IMMP2L: variants seen among roughly 807,000 people sequenced by gnomAD.
IMMP2L encodes mitochondrial inner membrane protease subunit 2.
A neutral mutation model predicts 19.3 loss-of-function variants in IMMP2L; 18 were observed. That is an observed-to-expected ratio of 0.93 (90% CI 0.64 to 1.38). The LOEUF (loss-of-function observed/expected upper bound fraction) is 1.38. Ranked by LOEUF, IMMP2L falls within the 40% of genes most tolerant of loss-of-function variation. IMMP2L has a pLI of 0.00. For missense variants in IMMP2L, 233 were observed against 218.2 expected (o/e 1.07, Z -0.43); for synonymous variants, 76 against 73.0 (o/e 1.04, Z -0.21).
chr7:110,750,623 G>T (rs961852969), intron 5 of IMMP2L, among the ~76,000 whole-genome samples: 1 of 151,934 alleles, frequency 6.6e-6, no homozygotes, highest in Non-Finnish European at 1.5e-5. Flanking sequence ...AGATAAATAA[G>T]AAAAACTTAC....
At chr7:110,912,509 A>AAC (rs941264702) in intron 4 of IMMP2L, among the ~76,000 whole-genome samples, 1 of 152,048 alleles carries the variant, frequency 6.6e-6, no homozygotes, top group African/African-American at 2.4e-5. Flanking sequence ...AAAAAACACA[A>AAC]ACACACACAC....
rs67367468 is a variant in IMMP2L at position 110,902,479 on chromosome 7, A to AATATATATATATATATATATATATAT, written c.306-15785_306-15784insATATATATATATATATATATATATAT. Among the ~76,000 whole-genome samples the AATATATATATATATATATATATATAT allele has an allele frequency of 2.4e-3, 337 of 140,354 alleles. 3 individuals are homozygous for AATATATATATATATATATATATATAT. Among genetic ancestry groups the AATATATATATATATATATATATATAT allele is most frequent in the African/African-American group, 8.7e-3 (319 of 36,850 alleles). 92.1% of individuals were successfully genotyped at this position (140,354 alleles called of 152,430 possible). A position where few individuals can be genotyped will look rare whatever the true frequency, so the allele number is the denominator to read the frequency against. ...AATATAAATATGTCATGAATGATAA[A>AATATATATATATATATATATATATAT]ATATATATATATATATATATATAGT... is the stretch of plus-strand genomic sequence containing the variant. On this transcript the variant is annotated intron_variant, in intron 4 of 5. Coordinates refer to ENST00000405709, the MANE Select transcript of IMMP2L (RefSeq NM_032549.4).
At chr7:110,838,117 G>A (rs1453837718) in intron 5 of IMMP2L, among the ~76,000 whole-genome samples, 1 of 152,080 alleles carries the variant, frequency 6.6e-6, no homozygotes, top group Admixed American at 6.6e-5. Flanking sequence ...TAATAGACTA[G>A]TTTTTAGCTT....
chr7:111,413,145 T>C (rs1046302331), intron 3 of IMMP2L, among the ~76,000 whole-genome samples: 3 of 152,066 alleles, frequency 2.0e-5, no homozygotes, highest in Non-Finnish European at 2.9e-5. Flanking sequence ...AATGAACCAA[T>C]TGATTAAAAG....
intron 3 of IMMP2L, among the ~76,000 whole-genome samples, chr7:111,014,534 G>A (rs1825306002): frequency 6.6e-6 from 1 of 151,976 alleles, no homozygotes; most frequent in Non-Finnish European, 1.5e-5. Flanking sequence ...TGATTTCTTG[G>A]ATATGAAATG....
intron 3 of IMMP2L, among the ~76,000 whole-genome samples, chr7:111,017,901 T>C (rs1488264008): frequency 6.6e-6 from 1 of 152,214 alleles, no homozygotes; most frequent in Non-Finnish European, 1.5e-5. Flanking sequence ...AAATAAATCA[T>C]TTTGAATTAT....
Position 111,299,214 on chromosome 7 carries a change from G to T in IMMP2L, c.239+188024C>A, listed in dbSNP as rs115431765. On this transcript the variant is annotated intron_variant, in intron 3 of 5. Transcript: ENST00000405709. The stretch of plus-strand genomic sequence containing the variant: ...AAATGCCAAATACATTTGAGAAAGA[G>T]TTTCCATCATGTTCATAAGTAGGAT... Among the ~76,000 whole-genome samples, 1,369 of 152,206 alleles carry T rather than the reference G, an allele frequency of 9.0e-3. 27 individuals carry two copies. The highest frequency in any genetic ancestry group is 0.032 in the African/African-American group (1,311 of 41,536).
chr7:110,918,321 T>C (rs1010463115), intron 4 of IMMP2L, among the ~76,000 whole-genome samples: 2 of 152,154 alleles, frequency 1.3e-5, no homozygotes, highest in South Asian at 4.1e-4. Flanking sequence ...GAGAAGGAAG[T>C]AATTATGACC....
chr7:111,389,870 T>C (rs904327431), intron 3 of IMMP2L, among the ~76,000 whole-genome samples: 1 of 152,138 alleles, frequency 6.6e-6, no homozygotes, highest in Admixed American at 6.6e-5. Flanking sequence ...CCTATATAAT[T>C]CTAAGGGCAC....
chr7:111,305,077 GT>G (rs978947995), intron 3 of IMMP2L, among the ~76,000 whole-genome samples: 2 of 151,882 alleles, frequency 1.3e-5, no homozygotes, highest in Admixed American at 1.3e-4. Context: ...ACTTTGTCTT[GT>G]TTTTTTGATG....
chr7:111,534,183 A>C (rs1422642689), intron 1 of IMMP2L, among the ~76,000 whole-genome samples: 1 of 152,156 alleles, frequency 6.6e-6, no homozygotes, highest in Non-Finnish European at 1.5e-5. Context: ...CACTCCAGGA[A>C]TTTATTTTAT....
chr7:110,821,693 A>G (rs936393861), intron 5 of IMMP2L, among the ~76,000 whole-genome samples: 5 of 152,028 alleles, frequency 3.3e-5, no homozygotes, highest in Admixed American at 3.3e-4. Context: ...TAGGCAGATC[A>G]TGAGGTCAGG....
At chr7:110,919,649 G>A (rs756645780) in intron 4 of IMMP2L, among the ~76,000 whole-genome samples, 23 of 151,694 alleles carry the variant, frequency 1.5e-4, no homozygotes, top group Middle Eastern at 3.4e-3. Flanking sequence ...TGAAATGTGC[G>A]CATTTTCTTC....
chr7:111,159,954 A>G lies in IMMP2L; in HGVS notation c.240-196389T>C, dbSNP rs188576974. Among the ~76,000 whole-genome samples, 13 of 152,216 alleles carry G rather than the reference A, an allele frequency of 8.5e-5. 1 individual carries two copies. The highest frequency in any genetic ancestry group is 3.9e-4 in the Admixed American group (6 of 15,256). On this transcript the variant is annotated intron_variant, in intron 3 of 5. Coordinates refer to ENST00000405709, the MANE Select transcript of IMMP2L (RefSeq NM_032549.4). ...CTCAATTCAGACTAGCTGCATTTCA[A>G]GTGCTCCAAAGCTAATGGTATCAAC... is the stretch of plus-strand genomic sequence containing the variant.
intron 3 of IMMP2L, among the ~76,000 whole-genome samples, chr7:111,090,139 T>C (rs1796706119): frequency 6.6e-6 from 1 of 152,162 alleles, no homozygotes; most frequent in East Asian, 1.9e-4. Flanking sequence ...TTGTAAAACA[T>C]GCATTTTTAA....
At chr7:111,277,090 C>T (rs940690503) in intron 3 of IMMP2L, among the ~76,000 whole-genome samples, 5 of 151,880 alleles carry the variant, frequency 3.3e-5, no homozygotes, top group East Asian at 1.9e-4. Flanking sequence ...AAAGCAAAAG[C>T]GACAAAACTA....
intron 3 of IMMP2L, among the ~76,000 whole-genome samples, chr7:111,108,096 G>C (rs1252993418): frequency 6.6e-6 from 1 of 151,978 alleles, no homozygotes; most frequent in Non-Finnish European, 1.5e-5. Flanking sequence ...TCTTCTGTAA[G>C]TGTCACTTTC....
chr7:110,993,369 G>A (rs1468618085), intron 3 of IMMP2L, among the ~76,000 whole-genome samples: 1 of 152,120 alleles, frequency 6.6e-6, no homozygotes, highest in African/African-American at 2.4e-5. Flanking sequence ...ATTGTCCAAT[G>A]AACAGATCAA....
At chr7:110,755,081 T>C (rs144854718) in intron 5 of IMMP2L, among the ~76,000 whole-genome samples, 1,656 of 152,138 alleles carry the variant, frequency 0.011, 13 homozygotes, top group Admixed American at 0.015. Flanking sequence ...ATCTGCAACA[T>C]AAGCTATGGG....
Sources: allele counts gnomAD v4.1 joint callset (sites outside exome capture counted in the v4.1 genomes callset), GRCh38; gene constraint gnomAD v4.1.1; transcripts MANE v1.5; gene names NCBI Gene and HGNC (gene_info 2026-07-23, HGNC 2026-07-21).